Variants in ZC3H18 observed in about 807,000 individuals in gnomAD.
The protein encoded by ZC3H18 is zinc finger CCCH-type containing 18, also known as zinc finger CCCH domain-containing protein 18.
In ZC3H18, 8 loss-of-function variants were observed where a neutral mutation model predicts 106.1. The ratio of observed to expected loss-of-function variants is 0.08; its 90% CI spans 0.04 to 0.14. ZC3H18 has a LOEUF of 0.14. Among genes scored for constraint, ZC3H18 ranks in the 10% least tolerant of loss-of-function variants. The pLI, the probability that ZC3H18 is intolerant of heterozygous loss-of-function variation, is 1.00. For synonymous variants in ZC3H18, 635 were observed against 522.1 expected (o/e 1.22, Z -2.95); for missense variants, 1,318 against 1,278.4 (o/e 1.03, Z -0.47).
chr16:88,612,290 C>T (rs1391718196), intron 8 of ZC3H18, among the ~76,000 whole-genome samples: 1 of 152,020 alleles, frequency 6.6e-6, no homozygotes, highest in African/African-American at 2.4e-5. Flanking sequence ...GCAACATACC[C>T]ATTTAAAGTG....
chr16:88,629,564 C>T (rs6500483), intron 16 of ZC3H18, among the ~76,000 whole-genome samples: 139,770 of 152,296 alleles, frequency 0.92, 64,361 homozygotes, highest in Non-Finnish European at 0.95. Flanking sequence ...CAAATCTCTT[C>T]AGTCTGGCTG....
At chr16:88,598,510 A>G in intron 4 of ZC3H18, 110 bp from the exon 5 acceptor site, 1 of 1,432,956 alleles carries the variant, frequency 7.0e-7, no homozygotes, top group Non-Finnish European at 9.6e-7. Flanking sequence ...GTGGAAGGAG[A>G]GCGGCCACAC....
chr16:88,587,106 C>T (rs953475366), intron 3 of ZC3H18, among the ~76,000 whole-genome samples: 2 of 152,234 alleles, frequency 1.3e-5, no homozygotes, highest in South Asian at 2.1e-4. Flanking sequence ...GTGTCCGAAG[C>T]GTTTGTTCGT....
At chr16:88,623,848 T>G (rs572577175) in intron 10 of ZC3H18, 110 bp from the exon 11 acceptor site, 12 of 1,468,292 alleles carry the variant, frequency 8.2e-6, no homozygotes, top group Admixed American at 2.6e-5. Flanking sequence ...CTGAGGCACA[T>G]AAATGGAAAT....
intron 6 of ZC3H18, among the ~76,000 whole-genome samples, chr16:88,605,089 G>C (rs1273794090): frequency 6.6e-6 from 1 of 152,266 alleles, no homozygotes; most frequent in African/African-American, 2.4e-5. Context: ...AGGTCTACCA[G>C]ATGCTGGTCC....
At chr16:88,606,980 C>A (rs1324544406) in intron 6 of ZC3H18, among the ~76,000 whole-genome samples, 1 of 152,188 alleles carries the variant, frequency 6.6e-6, no homozygotes, top group Non-Finnish European at 1.5e-5. Context: ...GGAGGGGCGT[C>A]CAGGGACCTC....
intron 6 of ZC3H18, among the ~76,000 whole-genome samples, chr16:88,604,652 C>T (rs984275030): frequency 1.3e-5 from 2 of 152,174 alleles, no homozygotes; most frequent in Non-Finnish European, 2.9e-5. Context: ...CGCCACTGCA[C>T]TCCAGCCTGG....
At chr16:88,625,395 T>C in intron 13 of ZC3H18, 128 bp downstream of exon 13, 1 of 1,182,878 alleles carries the variant, frequency 8.5e-7, no homozygotes, top group Non-Finnish European at 1.2e-6. Context: ...TGAGTCACCC[T>C]GGGGCTGTGG....
Position 88,631,612 on chromosome 16 carries a change from G to GC in ZC3H18, c.*316dup, listed in dbSNP as rs1906697118. The GC allele has an allele frequency of 2.1e-6, 1 of 487,640 alleles. No homozygotes were observed. The highest frequency in any genetic ancestry group is 1.5e-5 in the South Asian group (1 of 64,832). The allele number at this position is 487,640 out of a possible 1,614,324, so 30.2% of individuals were successfully genotyped here. A position where few individuals can be genotyped will look rare whatever the true frequency, so the allele number is the denominator to read the frequency against. On this transcript the variant is annotated 3_prime_UTR_variant, in exon 18 of 18. Coordinates refer to ENST00000301011, the MANE Select transcript of ZC3H18 (RefSeq NM_144604.4). ...TCCTCCTCCTCCGTCTTCTTCCCTG[G>GC]CCCTGGTCAGGCCTGTGGAGCCCCA...
At position 88,598,315 on chromosome 16, in the gene ZC3H18, G is replaced by A. The variant is rs201965675; in HGVS notation, c.826G>A (p.Ala276Thr). The change falls in exon 4 of 18, where the codon GCC becomes ACC. Residue 276 changes from alanine (A) to threonine (T), a missense_variant. This residue lies in a region of ZC3H18 where 78 missense variants were observed against 67.3 expected (regional missense o/e 1.16). Coordinates refer to ENST00000301011, the MANE Select transcript of ZC3H18 (RefSeq NM_144604.4). ...PPLGPHPLMP[A>T]NPWGGPVVDE... ...TCTCGGACCTCACCCGCTGATGCCCGCCAACCCTTGGGTGCGTGATGCCTC... is the reference window on the plus strand; with the variant it reads ...TCTCGGACCTCACCCGCTGATGCCCACCAACCCTTGGGTGCGTGATGCCTC... The A allele has an allele frequency of 4.6e-5, 74 of 1,601,114 alleles. No individual in the cohort carries two copies. In the South Asian group the frequency reaches 5.5e-4, roughly 12 times the overall value.
At position 88,631,746 on chromosome 16, in the gene ZC3H18, A is replaced by G. The variant is rs1241251541; in HGVS notation, c.*447A>G. ...TCCTTCTCCTCCCCCGCCCCTGATC[A>G]CCCGCCCCCGGATCAGAAATATATC... On this transcript the variant is annotated 3_prime_UTR_variant, in exon 18 of 18. Coordinates refer to ENST00000301011, the MANE Select transcript of ZC3H18 (RefSeq NM_144604.4). The G allele has an allele frequency of 1.6e-5, 6 of 373,502 alleles. No homozygotes were observed. Among genetic ancestry groups the G allele is most frequent in the Non-Finnish European group, 2.6e-5 (5 of 189,006 alleles). 23.1% of individuals were successfully genotyped at this position (373,502 alleles called of 1,614,324 possible). A position where few individuals can be genotyped will look rare whatever the true frequency, so the allele number is the denominator to read the frequency against.
intron 5 of ZC3H18, 147 bp downstream of exon 5, chr16:88,598,859 T>C (rs1215380369): frequency 2.1e-5 from 15 of 699,298 alleles, no homozygotes; most frequent in Non-Finnish European, 3.3e-5. Flanking sequence ...CTTTATTTTT[T>C]ATTTATTTAT....
intron 2 of ZC3H18, among the ~76,000 whole-genome samples, chr16:88,578,894 G>T (rs1181255810): frequency 6.6e-6 from 1 of 152,148 alleles, no homozygotes; most frequent in African/African-American, 2.4e-5. Flanking sequence ...CGCCCTGTTG[G>T]CCAGGCTTGT....
intron 1 of ZC3H18, among the ~76,000 whole-genome samples, chr16:88,572,725 C>T (rs1914488702): frequency 6.6e-6 from 1 of 151,872 alleles, no homozygotes; most frequent in African/African-American, 2.4e-5. Context: ...ATTTCATTGT[C>T]TACACTTAAG....
chr16:88,631,210 C>T lies in ZC3H18; in HGVS notation c.2773C>T (p.Leu925=). 1 of 1,613,884 alleles carries T rather than the reference C, an allele frequency of 6.2e-7. No individual in the cohort carries two copies. The highest frequency in any genetic ancestry group is 8.5e-7 in the Non-Finnish European group (1 of 1,180,010). Residue 925 remains leucine, a synonymous_variant, in exon 18 of 18, where the codon CTG becomes TTG. Transcript: ENST00000301011. ...CACCAAATCAGGGAAGGCCAGCACG[C>T]TGTCTCGGCGGGAGGAGCTGCTGAA... ...ASTKSGKAST[L]SRREELLKQL...
chr16:88,598,357 A>T (rs1365678573), intron 4 of ZC3H18, 31 bp downstream of exon 4: 1 of 1,577,226 alleles, frequency 6.3e-7, no homozygotes, highest in Non-Finnish European at 8.6e-7. Context: ...CATTGTTAGC[A>T]CATCAGCCAA....
At chr16:88,579,589 C>G (rs1056581652) in intron 2 of ZC3H18, among the ~76,000 whole-genome samples, 1 of 152,200 alleles carries the variant, frequency 6.6e-6, no homozygotes, top group Non-Finnish European at 1.5e-5. Context: ...GAGAATGGCC[C>G]TGGCTGCCAA....
At chr16:88,628,996 AT>A (rs1166294542) in intron 16 of ZC3H18, 142 bp downstream of exon 16, 15 of 746,280 alleles carry the variant, frequency 2.0e-5, no homozygotes, top group Middle Eastern at 3.9e-4. Context: ...GCCTGTCGGT[AT>A]TTAGGGTGTT....
intron 8 of ZC3H18, among the ~76,000 whole-genome samples, chr16:88,614,037 C>T (rs985355698): frequency 3.3e-5 from 5 of 152,192 alleles, no homozygotes; most frequent in African/African-American, 9.7e-5. Flanking sequence ...CAAGGCAGTT[C>T]CTTATTGGGA....
Sources: allele counts gnomAD v4.1 joint callset (sites outside exome capture counted in the v4.1 genomes callset), GRCh38; gene constraint gnomAD v4.1.1; regional missense constraint gnomAD v4.1.1; transcripts MANE v1.5; gene names NCBI Gene and HGNC (gene_info 2026-07-23, HGNC 2026-07-21).